Variants in NFIB observed in about 807,000 individuals in gnomAD.
NFIB encodes nuclear factor 1 B-type.
Under a neutral mutation model 61.5 loss-of-function variants are expected in NFIB, and 11 were observed. The ratio of observed to expected loss-of-function variants is 0.18; its 90% CI spans 0.11 to 0.30. The LOEUF is 0.30. Ranked by LOEUF, NFIB falls within the 10% of genes least tolerant of loss-of-function variation. The pLI is 1.00. For synonymous variants in NFIB, 260 were observed against 216.5 expected (o/e 1.20, Z -1.76); for missense variants, 471 against 608.9 (o/e 0.77, Z 2.38).
intron 1 of NFIB, among the ~76,000 whole-genome samples, chr9:14,394,094 A>C (rs1021336163): frequency 6.6e-6 from 1 of 152,222 alleles, no homozygotes. Context: ...TGCCTACCAC[A>C]TGCCAGGTGT....
the NFIB span, among the ~76,000 whole-genome samples, chr9:14,415,346 C>T: frequency 2.0e-4 from 30 of 152,122 alleles, no homozygotes; most frequent in Non-Finnish European, 3.8e-4. Flanking sequence ...GTCTTGTATA[C>T]GAGGCATAAC....
intron 2 of NFIB, among the ~76,000 whole-genome samples, chr9:14,192,747 A>T (rs183487950): frequency 1.5e-3 from 234 of 152,216 alleles, no homozygotes; most frequent in Non-Finnish European, 2.7e-3. Context: ...TGTGTAGTAG[A>T]TTCCTACTGA....
intron 1 of NFIB, among the ~76,000 whole-genome samples, chr9:14,377,169 G>A (rs1417853982): frequency 6.6e-6 from 1 of 152,198 alleles, no homozygotes; most frequent in Non-Finnish European, 1.5e-5. Context: ...TACCCACAAT[G>A]CAAATATATA....
upstream of NFIB, among the ~76,000 whole-genome samples, chr9:14,399,877 G>T (rs2061725448): frequency 6.6e-6 from 1 of 152,074 alleles, no homozygotes; most frequent in Non-Finnish European, 1.5e-5. Flanking sequence ...TTTAACTTAA[G>T]CCACAGAGTA....
chr9:14,492,230 G>A, the NFIB span, among the ~76,000 whole-genome samples: 3 of 152,084 alleles, frequency 2.0e-5, no homozygotes, highest in South Asian at 6.2e-4. Context: ...GGGCGTGGTG[G>A]TGGGCACCTG....
intron 2 of NFIB, among the ~76,000 whole-genome samples, chr9:14,258,594 G>C (rs1407984590): frequency 6.6e-6 from 1 of 152,204 alleles, no homozygotes; most frequent in Non-Finnish European, 1.5e-5. Context: ...GTGTTTTACA[G>C]TAGAAGCCAT....
chr9:14,196,613 T>C (rs960467584), intron 2 of NFIB, among the ~76,000 whole-genome samples: 1 of 151,302 alleles, frequency 6.6e-6, no homozygotes, highest in African/African-American at 2.4e-5. Context: ...CCCCACAGAA[T>C]GTGTCCTCCA....
At chr9:14,181,562 C>A (rs1163996360) in intron 2 of NFIB, among the ~76,000 whole-genome samples, 1 of 152,184 alleles carries the variant, frequency 6.6e-6, no homozygotes, top group African/African-American at 2.4e-5. Flanking sequence ...GGGCCACTTT[C>A]CAGGCCTGGA....
chr9:14,162,476 TGAACTGGTTGGCTC>T lies in NFIB; in HGVS notation c.617-6597_617-6584del, dbSNP rs1563850793. On this transcript the variant is annotated intron_variant, in intron 3 of 10. Transcript: ENST00000380953. ...GGAAGACAGTTCTTAAATTTACTGT[TGAACTGGTTGGCTC>T]AGTTTCTTCTAATATTTCTACAGGT... 9.9e-5 allele frequency among the ~76,000 whole-genome samples: 15 copies of T among 152,226 alleles called. No individual in the cohort carries two copies. The South Asian group carries it at 3.1e-3, about 32-fold the overall frequency.
chr9:14,430,182 T>C, the NFIB span, among the ~76,000 whole-genome samples: 1 of 152,212 alleles, frequency 6.6e-6, no homozygotes, highest in Non-Finnish European at 1.5e-5. Flanking sequence ...AGCAAGCATA[T>C]GTAGTTCTGA....
At chr9:14,118,937 G>A (rs1018275290) in intron 8 of NFIB, among the ~76,000 whole-genome samples, 1 of 151,714 alleles carries the variant, frequency 6.6e-6, no homozygotes, top group African/African-American at 2.4e-5. Flanking sequence ...AATAATTAAA[G>A]AAATGTGTAA....
upstream of NFIB, among the ~76,000 whole-genome samples, chr9:14,318,837 G>A (rs970829593): frequency 1.1e-4 from 17 of 152,104 alleles, no homozygotes; most frequent in Non-Finnish European, 5.9e-5. Flanking sequence ...GCCTGTACTT[G>A]ATGAGAATTG....
rs1436086032 is a variant in NFIB, at chr9:14,208,273, T to C, written c.563-28493A>G. On this transcript the variant is annotated intron_variant, in intron 2 of 10. Transcript: ENST00000380953. ...ACTAAGAGAGTAAATCGATACGTGT[T>C]CAGTGTAGTGGCAGTTTAGATTTTT... Among the ~76,000 whole-genome samples the C allele has an allele frequency of 2.6e-5, 4 of 152,312 alleles. No homozygotes were observed. The South Asian group carries it at 6.2e-4, about 24-fold the overall frequency.
the NFIB span, among the ~76,000 whole-genome samples, chr9:14,526,724 T>C: frequency 2.6e-5 from 4 of 152,206 alleles, no homozygotes; most frequent in Non-Finnish European, 4.4e-5. Context: ...CATTCAGCCA[T>C]GTTACAGAAA....
At chr9:14,388,546 A>G (rs1230431523) in intron 1 of NFIB, among the ~76,000 whole-genome samples, 1 of 151,824 alleles carries the variant, frequency 6.6e-6, no homozygotes, top group Non-Finnish European at 1.5e-5. Context: ...AGGAGGGAAA[A>G]ATGCAAAAGA....
intron 1 of NFIB, among the ~76,000 whole-genome samples, chr9:14,396,438 G>C (rs2061687872): frequency 6.6e-6 from 1 of 152,084 alleles, no homozygotes; most frequent in Admixed American, 6.5e-5. Context: ...GCTCTCCATT[G>C]AGTCAGCCGT....
chr9:14,406,196 G>C, the NFIB span, among the ~76,000 whole-genome samples: 9 of 152,292 alleles, frequency 5.9e-5, no homozygotes, highest in South Asian at 1.7e-3. Context: ...AGCAGATCTA[G>C]GACCTATTCC....
At chr9:14,322,709 C>A (rs910413659) in intron 1 of NFIB, among the ~76,000 whole-genome samples, 2 of 152,060 alleles carry the variant, frequency 1.3e-5, no homozygotes, top group Non-Finnish European at 2.9e-5. Flanking sequence ...TTCATCAGGG[C>A]GCCCGGGACC....
chr9:14,398,987 T>A (rs944820345), upstream of NFIB: 5 of 233,652 alleles, frequency 2.1e-5, no homozygotes, highest in Admixed American at 1.1e-4. Context: ...CCCAATATAG[T>A]AGCCCCTAGC....
Sources: gnomAD v4.1 joint callset for allele counts (sites outside exome capture counted in the v4.1 genomes callset) on GRCh38, gnomAD v4.1.1 for gene constraint, MANE v1.5 for transcripts, NCBI Gene and HGNC (gene_info 2026-07-23, HGNC 2026-07-21) for gene names.